PRKACB: variants seen among roughly 807,000 people sequenced by gnomAD.
The protein encoded by PRKACB is cAMP-dependent protein kinase catalytic subunit beta.
A neutral mutation model predicts 51.4 loss-of-function variants in PRKACB; 16 were observed. The observed-to-expected ratio is 0.31, with a 90% CI of 0.21 to 0.47. PRKACB has a LOEUF of 0.47. PRKACB is among the 20% of genes least tolerant of loss of function. The probability of loss-of-function intolerance (pLI) is 1.00; values close to 1 mark genes in which losing one functional copy is unlikely to be tolerated. For synonymous variants in PRKACB, 147 were observed against 154.4 expected, an observed-to-expected ratio of 0.95 and a Z score of 0.35; for missense variants, 309 against 464.5, an observed-to-expected ratio of 0.67 and a Z score of 3.08.
Position 84,237,145 on chromosome 1 carries a change from G to A in PRKACB, c.*1840G>A, listed in dbSNP as rs1156909525. On this transcript the variant is annotated 3_prime_UTR_variant, in exon 10 of 10. Coordinates refer to ENST00000370685, the MANE Select transcript of PRKACB (RefSeq NM_182948.4). ...TCACTGGTCCATCTATATTTAAAAC[G>A]TGCAAGAAAAAAATAAAATACTCTG... The A allele has an allele frequency of 1.3e-5, 2 of 152,560 alleles. No individual in the cohort carries two copies. Among genetic ancestry groups the A allele is most frequent in the East Asian group, 1.9e-4 (1 of 5,190 alleles). The allele number at this position is 152,560 out of a possible 1,614,324, so 9.5% of individuals were successfully genotyped here. A position where few individuals can be genotyped will look rare whatever the true frequency, so the allele number is the denominator to read the frequency against.
intron 7 of PRKACB, among the ~76,000 whole-genome samples, chr1:84,199,587 T>A (rs148336113): frequency 0.015 from 2,208 of 152,244 alleles, 61 homozygotes; most frequent in African/African-American, 0.049. Context: ...TGTCTTTGCT[T>A]TTGTGAATAG....
intron 9 of PRKACB, among the ~76,000 whole-genome samples, chr1:84,231,447 G>T (rs1418215520): frequency 6.6e-6 from 1 of 152,170 alleles, no homozygotes; most frequent in Non-Finnish European, 1.5e-5. Context: ...AAATGAGTTA[G>T]GGAGGATTCC....
chr1:84,099,469 C>T (rs1649172628), intron 1 of PRKACB, among the ~76,000 whole-genome samples: 1 of 151,704 alleles, frequency 6.6e-6, no homozygotes, highest in Admixed American at 6.6e-5. Context: ...TGAGAATGTA[C>T]CCTTATTTCT....
chr1:84,228,679 A>C (rs2101675336), intron 9 of PRKACB, among the ~76,000 whole-genome samples: 1 of 152,362 alleles, frequency 6.6e-6, no homozygotes, highest in South Asian at 2.1e-4. Context: ...TAAAAGAGTT[A>C]TATTTCTTTC....
rs1186933969 is a variant in PRKACB at position 84,230,862 on chromosome 1, A to G, written c.1072-4318A>G. On this transcript the variant is annotated intron_variant, in intron 9 of 9. Transcript: ENST00000370685. ...GACAATGGGGTTTTCTAGATATACAATCATGTCTGCAAACAGGGACAATTT... is the reference window on the plus strand; with the variant it reads ...GACAATGGGGTTTTCTAGATATACAGTCATGTCTGCAAACAGGGACAATTT... 1.4e-5 allele frequency among the ~76,000 whole-genome samples: 2 copies of G among 144,226 alleles called. 1 individual carries two copies. 94.6% of individuals were successfully genotyped at this position (144,226 alleles called of 152,430 possible).
At chr1:84,143,937 A>T (rs1160083371), upstream of PRKACB, among the ~76,000 whole-genome samples, 1 of 152,168 alleles carries the variant, frequency 6.6e-6, no homozygotes, top group Non-Finnish European at 1.5e-5. Flanking sequence ...CCTAGAAAAA[A>T]TACAACCTGT....
intron 1 of PRKACB, chr1:84,086,208 C>A (rs1371867142): frequency 6.3e-7 from 1 of 1,595,704 alleles, no homozygotes; most frequent in Non-Finnish European, 8.6e-7. Context: ...CAGCTGGAGG[C>A]CTTCCTGAAG....
chr1:84,173,788 AATT>A (rs1311934727), intron 1 of PRKACB, among the ~76,000 whole-genome samples: 1 of 151,890 alleles, frequency 6.6e-6, no homozygotes, highest in African/African-American at 2.4e-5. Flanking sequence ...AAGGAGCATG[AATT>A]ATTATCTTTT....
rs1042469033 is a variant in PRKACB at position 84,185,191 on chromosome 1, T to A, written c.560+9T>A. 1.3e-6 allele frequency: 2 copies of A among 1,497,366 alleles called. No homozygotes were observed. The highest frequency in any genetic ancestry group is 1.8e-6 in the Non-Finnish European group (2 of 1,122,562). The allele number at this position is 1,497,366 out of a possible 1,614,324, so 92.8% of individuals were successfully genotyped here. On this transcript the variant is annotated intron_variant, in intron 5 of 9. Coordinates refer to ENST00000370685, the MANE Select transcript of PRKACB (RefSeq NM_182948.4). ...AGAATTGGAAGGTTCAGGTAACTAA[T>A]GGTTTTGCTTTCTTCAAATCTTTAT...
Position 84,144,293 on chromosome 1 carries a change from G to C in PRKACB, c.-69G>C. On this transcript the variant is annotated 5_prime_UTR_variant, in exon 1 of 10. Coordinates refer to ENST00000370685, the MANE Select transcript of PRKACB (RefSeq NM_182948.4). ...GACACATGCATAGCTCTTAGCTTCT[G>C]TGTAAGAAGTTGTGAGCTCCTTCTG... The C allele has an allele frequency of 6.3e-7, 1 of 1,577,564 alleles. No individual in the cohort carries two copies. Among genetic ancestry groups the C allele is most frequent in the Non-Finnish European group, 8.6e-7 (1 of 1,167,204 alleles).
At chr1:84,104,675 T>C (rs1008276311) in intron 1 of PRKACB, among the ~76,000 whole-genome samples, 1 of 152,138 alleles carries the variant, frequency 6.6e-6, no homozygotes, top group African/African-American at 2.4e-5. Flanking sequence ...CGAGGTGAGA[T>C]GGCTTTCATT....
chr1:84,083,892 AG>A (rs1327776524), intron 1 of PRKACB, among the ~76,000 whole-genome samples: 1 of 152,194 alleles, frequency 6.6e-6, no homozygotes, highest in Non-Finnish European at 1.5e-5. Flanking sequence ...TCCTTTATTC[AG>A]TACACATAAT....
intron 3 of PRKACB, among the ~76,000 whole-genome samples, chr1:84,183,597 AG>A (rs1664225714): frequency 6.6e-6 from 1 of 151,794 alleles, no homozygotes. Flanking sequence ...TACTTATTGC[AG>A]AGATTTGAGC....
intron 1 of PRKACB, among the ~76,000 whole-genome samples, chr1:84,137,363 T>TA (rs1263575003): frequency 6.6e-6 from 1 of 152,126 alleles, no homozygotes; most frequent in African/African-American, 2.4e-5. Flanking sequence ...TCACCAGTGG[T>TA]AAAAAATATC....
chr1:84,223,605 A>G (rs954542503), intron 9 of PRKACB, among the ~76,000 whole-genome samples: 1 of 151,892 alleles, frequency 6.6e-6, no homozygotes, highest in Non-Finnish European at 1.5e-5. Flanking sequence ...TCCTGACCTC[A>G]TGATCCACCC....
intron 1 of PRKACB, among the ~76,000 whole-genome samples, chr1:84,175,295 T>C (rs1396142951): frequency 6.6e-6 from 1 of 151,660 alleles, no homozygotes; most frequent in Non-Finnish European, 1.5e-5. Context: ...CATGAAACAG[T>C]AGATGTACAA....
intron 1 of PRKACB, among the ~76,000 whole-genome samples, chr1:84,114,980 T>C (rs546722741): frequency 6.6e-6 from 1 of 152,350 alleles, no homozygotes; most frequent in South Asian, 2.1e-4. Context: ...CTATTGCGAA[T>C]AGTGCTGCAG....
intron 1 of PRKACB, among the ~76,000 whole-genome samples, chr1:84,113,528 G>A (rs751271486): frequency 3.6e-4 from 55 of 152,208 alleles, no homozygotes; most frequent in Admixed American, 6.6e-4. Flanking sequence ...AAATAGCCAA[G>A]AGAGCTAAAA....
At chr1:84,086,284 C>T in intron 1 of PRKACB, 1 of 1,235,162 alleles carries the variant, frequency 8.1e-7, no homozygotes, top group Admixed American at 1.7e-5. Context: ...CCCAGTAGAA[C>T]TTGGCCCTTC....
Sources: allele counts gnomAD v4.1 joint callset (sites outside exome capture counted in the v4.1 genomes callset), GRCh38; gene constraint gnomAD v4.1.1; transcripts MANE v1.5; gene names NCBI Gene and HGNC (gene_info 2026-07-23, HGNC 2026-07-21).